GPC5: variants seen among roughly 807,000 people sequenced by gnomAD.
The protein encoded by GPC5 is glypican-5.
In GPC5, 47 loss-of-function variants were observed where a neutral mutation model predicts 53.9. The observed-to-expected ratio is 0.87, with a 90% CI of 0.69 to 1.11. The LOEUF (loss-of-function observed/expected upper bound fraction) is 1.11. GPC5 is among the 50% of genes most tolerant of loss of function. The pLI is 0.00. For missense variants in GPC5, 748 were observed against 713.1 expected (o/e 1.05, Z -0.56); for synonymous variants, 286 against 263.3 (o/e 1.09, Z -0.84).
At chr13:92,385,688 T>G (rs1209586287) in intron 7 of GPC5, among the ~76,000 whole-genome samples, 2 of 142,134 alleles carry the variant, frequency 1.4e-5, no homozygotes, top group Admixed American at 1.5e-4. Flanking sequence ...TACACACATA[T>G]ATACCTATAT....
chr13:91,750,762 C>T (rs2037157438), intron 4 of GPC5, among the ~76,000 whole-genome samples: 1 of 139,716 alleles, frequency 7.2e-6, no homozygotes, highest in Non-Finnish European at 1.5e-5. Flanking sequence ...CTCACCACAA[C>T]CTCTGCCTCC....
intron 6 of GPC5, among the ~76,000 whole-genome samples, chr13:91,938,356 AAC>A (rs1379932396): frequency 6.6e-6 from 1 of 152,126 alleles, no homozygotes; most frequent in Non-Finnish European, 1.5e-5. Flanking sequence ...AACTTGTGTG[AAC>A]ACAGAGTGAG....
At chr13:91,944,839 A>G (rs781337617) in intron 6 of GPC5, among the ~76,000 whole-genome samples, 2 of 152,196 alleles carry the variant, frequency 1.3e-5, no homozygotes, top group African/African-American at 4.8e-5. Context: ...TGTTGCAAAG[A>G]TAAGGATAAC....
At chr13:92,866,094 A>G (rs928304503) in intron 7 of GPC5, among the ~76,000 whole-genome samples, 188 bp from the exon 8 acceptor site, 6 of 152,158 alleles carry the variant, frequency 3.9e-5, no homozygotes, top group African/African-American at 1.4e-4. Context: ...TTTTCACACA[A>G]GAGCTTGAAC....
chr13:92,045,259 C>T (rs1482415702), intron 6 of GPC5, among the ~76,000 whole-genome samples: 4 of 152,058 alleles, frequency 2.6e-5, no homozygotes, highest in Admixed American at 2.6e-4. Flanking sequence ...TACAGGCAAG[C>T]AATTTCCAAG....
intron 2 of GPC5, among the ~76,000 whole-genome samples, chr13:91,496,464 C>T (rs1033005430): frequency 6.6e-6 from 1 of 152,160 alleles, no homozygotes; most frequent in Non-Finnish European, 1.5e-5. Flanking sequence ...AGAATGAGGT[C>T]ATGTCATTTG....
intron 7 of GPC5, among the ~76,000 whole-genome samples, chr13:92,317,946 C>T (rs1237303735): frequency 6.6e-6 from 1 of 152,160 alleles, no homozygotes; most frequent in Non-Finnish European, 1.5e-5. Flanking sequence ...GAATGAAGTT[C>T]AGTGAATACA....
chr13:92,025,926 T>G (rs1169047873), intron 6 of GPC5, among the ~76,000 whole-genome samples: 2 of 152,170 alleles, frequency 1.3e-5, no homozygotes, highest in Non-Finnish European at 2.9e-5. Context: ...ATTCTTGGGC[T>G]GTTTTGAATC....
At chr13:92,734,819 G>A (rs921707511) in intron 7 of GPC5, among the ~76,000 whole-genome samples, 35 of 151,876 alleles carry the variant, frequency 2.3e-4, no homozygotes, top group Non-Finnish European at 4.4e-5. Flanking sequence ...ACAACACTTC[G>A]ATTCCAACAC....
At chr13:92,191,770 C>G (rs2042224181) in intron 7 of GPC5, among the ~76,000 whole-genome samples, 2 of 152,156 alleles carry the variant, frequency 1.3e-5, no homozygotes, top group South Asian at 4.1e-4. Flanking sequence ...TGGAAAGGCT[C>G]AAGACTCTGT....
chr13:92,073,140 A>G (rs1173995760), intron 6 of GPC5, among the ~76,000 whole-genome samples: 9 of 152,126 alleles, frequency 5.9e-5, no homozygotes, highest in African/African-American at 2.2e-4. Flanking sequence ...TAGTGTAAAA[A>G]AGGGGAAATT....
intron 7 of GPC5, among the ~76,000 whole-genome samples, chr13:92,583,972 A>G (rs1226013416): frequency 6.6e-6 from 1 of 152,154 alleles, no homozygotes; most frequent in African/African-American, 2.4e-5. Context: ...GCCTTCCACC[A>G]TGATTGTGAG....
chr13:92,834,943 A>G (rs995978518), intron 7 of GPC5, among the ~76,000 whole-genome samples: 5 of 152,094 alleles, frequency 3.3e-5, no homozygotes, highest in Non-Finnish European at 7.4e-5. Context: ...AACTGTATTT[A>G]TTAGTCATGA....
At chr13:91,668,151 G>C (rs573732844) in intron 2 of GPC5, among the ~76,000 whole-genome samples, 1 of 152,202 alleles carries the variant, frequency 6.6e-6, no homozygotes, top group Admixed American at 6.5e-5. Context: ...TTCCTTTTCT[G>C]CATGAACCTA....
intron 7 of GPC5, among the ~76,000 whole-genome samples, chr13:92,360,914 T>C (rs1371022489): frequency 1.3e-5 from 2 of 151,802 alleles, no homozygotes; most frequent in African/African-American, 4.9e-5. Context: ...AGGTCTCAAA[T>C]GTAAATGCCT....
intron 6 of GPC5, among the ~76,000 whole-genome samples, chr13:92,118,797 C>G (rs2041621426): frequency 2.0e-5 from 3 of 152,110 alleles, no homozygotes; most frequent in Admixed American, 2.0e-4. Flanking sequence ...GAGAAATAGG[C>G]CTTGGTGAGC....
At chr13:91,771,966 A>G (rs2037633303) in intron 5 of GPC5, among the ~76,000 whole-genome samples, 2 of 152,164 alleles carry the variant, frequency 1.3e-5, no homozygotes, top group Admixed American at 1.3e-4. Context: ...TAAAGCAGAA[A>G]GAATATGGGT....
intron 7 of GPC5, among the ~76,000 whole-genome samples, chr13:92,577,486 T>C (rs1054210427): frequency 6.6e-6 from 1 of 151,558 alleles, no homozygotes; most frequent in African/African-American, 2.4e-5. Context: ...ATTAGCCTTG[T>C]TTTGCAGATA....
At chr13:92,440,225 A>G (rs903784696) in intron 7 of GPC5, among the ~76,000 whole-genome samples, 12 of 152,202 alleles carry the variant, frequency 7.9e-5, no homozygotes, top group African/African-American at 2.9e-4. Flanking sequence ...AGTACCCAAT[A>G]GGTAGTTTTT....
Sources: gnomAD v4.1 joint callset for allele counts (sites outside exome capture counted in the v4.1 genomes callset) on GRCh38, gnomAD v4.1.1 for gene constraint, MANE v1.5 for transcripts, NCBI Gene and HGNC (gene_info 2026-07-23, HGNC 2026-07-21) for gene names.